Variants in ZNF541 observed in about 807,000 individuals in gnomAD.
The protein encoded by ZNF541 is zinc finger protein 541.
ZNF541 carries 23 observed loss-of-function variants against 123.5 expected under a neutral mutation model. The ratio of observed to expected loss-of-function variants is 0.19; its 90% CI spans 0.13 to 0.26. The LOEUF (loss-of-function observed/expected upper bound fraction) is 0.26. Ranked by LOEUF, ZNF541 falls within the 10% of genes least tolerant of loss-of-function variation. The probability of loss-of-function intolerance (pLI) is 1.00; values close to 1 mark genes in which losing one functional copy is unlikely to be tolerated. For missense variants in ZNF541, 1,612 were observed against 1,789.9 expected (o/e 0.90, Z 1.79); for synonymous variants, 751 against 754.5 (o/e 1.00, Z 0.08).
At chr19:47,531,324 T>C (rs1422679134) in intron 12 of ZNF541, among the ~76,000 whole-genome samples, 2 of 147,174 alleles carry the variant, frequency 1.4e-5, no homozygotes, top group Non-Finnish European at 3.0e-5. Flanking sequence ...AAGCTAAAAC[T>C]CAAGGAATTA....
intron 3 of ZNF541, among the ~76,000 whole-genome samples, chr19:47,550,298 AAGGAAGGAAGGAAAG>A (rs1970541067): frequency 1.3e-5 from 2 of 149,796 alleles, no homozygotes; most frequent in African/African-American, 4.9e-5. Flanking sequence ...AGGAAGGAGG[AAGGAAGGAAGGAAAG>A]AGAGAGAGAA....
At chr19:47,554,891 CG>C (rs1376390699) in intron 3 of ZNF541, among the ~76,000 whole-genome samples, 4 of 151,604 alleles carry the variant, frequency 2.6e-5, no homozygotes, top group African/African-American at 7.3e-5. Flanking sequence ...GTCAGGAGTT[CG>C]AGACCAGCCT....
In ZNF541 at chr19:47,544,299, G is replaced by C. The variant is rs1021511380; in HGVS notation, c.2230C>G (p.Arg744Gly). 10 of 1,551,482 alleles carry C rather than the reference G, an allele frequency of 6.4e-6. No homozygotes were observed. In the African/African-American group the frequency reaches 8.2e-5, roughly 13 times the overall value. Residue 744 changes from arginine to glycine, a missense_variant, in exon 5 of 17, where the codon CGG (arginine) becomes GGG (glycine). Arg to Gly is a moderately radical substitution (Grantham distance 125, BLOSUM62 -2). Around this residue, in one of 5 missense-constraint regions of ZNF541, gnomAD observed 1,080 missense variants for 1,013.8 expected, o/e 1.07. Coordinates refer to ENST00000391901, the MANE Select transcript of ZNF541 (RefSeq NM_001277075.3). ...GGGGCCCTGGGGTTGCCCAAGAGCCGGTAGCCTCCACCCCGGGAGCAGGCT... is the reference window on the plus strand; with the variant it reads ...GGGGCCCTGGGGTTGCCCAAGAGCCCGTAGCCTCCACCCCGGGAGCAGGCT... ...GPACSRGGGY[R>G]LLGNPRAPRF...
chr19:47,554,247 A>G lies in ZNF541; in HGVS notation c.307+1303T>C, dbSNP rs569201616. On this transcript the variant is annotated intron_variant, in intron 3 of 16. Transcript: ENST00000391901. ...TCAGTTCGAGACCAGACTGGGAAACATAGTGAAACCCCTTCACTACTAAAA... is the reference window on the plus strand; with the variant it reads ...TCAGTTCGAGACCAGACTGGGAAACGTAGTGAAACCCCTTCACTACTAAAA... 5.3e-5 allele frequency among the ~76,000 whole-genome samples: 8 copies of G among 152,302 alleles called. No homozygotes were observed. In the South Asian group the frequency reaches 1.7e-3, roughly 32 times the overall value.
rs183903396 is a variant in ZNF541 at position 47,525,192 on chromosome 19, C to T, written c.3571-3198G>A. On this transcript the variant is annotated intron_variant, in intron 14 of 16. Transcript: ENST00000391901. ...CCCAGCTACTCGGGAGGCTGAGGTA[C>T]GAGAATCGCTTGAACCCGGGAGGTG... Among the ~76,000 whole-genome samples, 480 of 151,210 alleles carry T rather than the reference C, an allele frequency of 3.2e-3. 2 individuals carry two copies. Among genetic ancestry groups the T allele is most frequent in the African/African-American group, 0.01 (415 of 41,194 alleles).
intron 2 of ZNF541, among the ~76,000 whole-genome samples, chr19:47,563,896 G>A (rs866725935): frequency 1.2e-4 from 19 of 152,198 alleles, no homozygotes; most frequent in African/African-American, 3.9e-4. Flanking sequence ...ATAAGCCCCC[G>A]CGCCTGGCCT....
intron 13 of ZNF541, 96 bp downstream of exon 13, chr19:47,529,481 G>T: frequency 7.8e-7 from 1 of 1,287,488 alleles, no homozygotes; most frequent in Non-Finnish European, 1.1e-6. Flanking sequence ...GTCCCGAGGA[G>T]AACTCCAGGA....
intron 3 of ZNF541, among the ~76,000 whole-genome samples, 196 bp downstream of exon 3, chr19:47,555,354 A>G (rs2123286460): frequency 6.7e-6 from 1 of 149,980 alleles, no homozygotes; most frequent in Admixed American, 6.7e-5. Context: ...TGGGCAACAG[A>G]GCAAGACTCC....
At chr19:47,529,691 G>C (rs547015041) in intron 12 of ZNF541, 39 bp from the exon 13 acceptor site, 14 of 1,532,104 alleles carry the variant, frequency 9.1e-6, no homozygotes, top group African/African-American at 1.4e-5. Context: ...AGGACCAGGT[G>C]GGGGAAGAGG....
chr19:47,522,367 G>A (rs1969077085), intron 14 of ZNF541, among the ~76,000 whole-genome samples: 2 of 152,238 alleles, frequency 1.3e-5, no homozygotes, highest in South Asian at 4.1e-4. Flanking sequence ...CAGCTAGGCA[G>A]AGCCTCTAAA....
At chr19:47,522,253 C>T (rs1000859428) in intron 14 of ZNF541, among the ~76,000 whole-genome samples, 15 of 152,222 alleles carry the variant, frequency 9.9e-5, no homozygotes, top group Admixed American at 9.8e-4. Flanking sequence ...GAATTCTTTC[C>T]TAAGGAAGAT....
intron 2 of ZNF541, among the ~76,000 whole-genome samples, chr19:47,567,728 T>C (rs760417041): frequency 1.7e-4 from 26 of 152,356 alleles, no homozygotes; most frequent in Admixed American, 3.3e-4. Flanking sequence ...AACAATTGGT[T>C]GGAGGTGAGA....
At chr19:47,525,649 C>T (rs1969251958) in intron 14 of ZNF541, among the ~76,000 whole-genome samples, 1 of 152,188 alleles carries the variant, frequency 6.6e-6, no homozygotes, top group African/African-American at 2.4e-5. Flanking sequence ...CAAGGTGGCT[C>T]ACGCCTGTAA....
Position 47,566,879 on chromosome 19 carries a change from G to A in ZNF541, c.-99+5017C>T, listed in dbSNP as rs921737586. 1.1e-4 allele frequency among the ~76,000 whole-genome samples: 16 copies of A among 151,084 alleles called. No homozygotes were observed. The East Asian group carries it at 2.9e-3, about 28-fold the overall frequency. On this transcript the variant is annotated intron_variant, in intron 2 of 16. Coordinates refer to ENST00000391901, the MANE Select transcript of ZNF541 (RefSeq NM_001277075.3). ...ATCCTGGCTAACATGGTGAAACCCC[G>A]TCTTTACTAAAAATACAAAAAATTA...
In ZNF541 at chr19:47,559,111, C is replaced by T. The variant is rs561221833; in HGVS notation, c.-98-3157G>A. ...CTGGGCCAGGCACAGTGGCTCACGC[C>T]TGTAATCCCAGCACTCTGGGAGGCC... On this transcript the variant is annotated intron_variant, in intron 2 of 16. Transcript: ENST00000391901. Among the ~76,000 whole-genome samples, 9 of 151,808 alleles carry T rather than the reference C, an allele frequency of 5.9e-5. No individual in the cohort carries two copies. The South Asian group carries it at 1.9e-3, about 32-fold the overall frequency.
chr19:47,544,971 C>A lies in ZNF541; in HGVS notation c.1558G>T (p.Gly520Cys). The A allele has an allele frequency of 6.5e-7, 1 of 1,532,372 alleles. No homozygotes were observed. The highest frequency in any genetic ancestry group is 8.7e-7 in the Non-Finnish European group (1 of 1,145,310). 94.9% of individuals were successfully genotyped at this position (1,532,372 alleles called of 1,614,324 possible). Residue 520 changes from glycine (G) to cysteine (C), a missense_variant, in exon 5 of 17, where the codon GGC becomes TGC. Coordinates refer to ENST00000391901, the MANE Select transcript of ZNF541 (RefSeq NM_001277075.3). The part of the protein sequence containing the change: ...SFLCQNPGEP[G>C]LQEAQKAGGL... ...CCTGCCTTCTGGGCCTCCTGGAGGCCGGGCTCCCCGGGGTTCTGGCACAGG... is the reference window on the plus strand; with the variant it reads ...CCTGCCTTCTGGGCCTCCTGGAGGCAGGGCTCCCCGGGGTTCTGGCACAGG...
chr19:47,538,488 C>T (rs1316203397), intron 8 of ZNF541, 49 bp from the exon 9 acceptor site: 2 of 1,435,318 alleles, frequency 1.4e-6, no homozygotes, highest in East Asian at 5.1e-5. Flanking sequence ...ACCTACTGCA[C>T]CACTCCATCT....
At position 47,538,185 on chromosome 19, in the gene ZNF541, C is replaced by T. The variant is rs1036132378; in HGVS notation, c.3051G>A (p.Thr1017=). ...GCTGGTCAGGGCTGGCCTGAGTGGACGTGGAACAGAGGGTGTTGAAGTACA... is the reference window on the plus strand; with the variant it reads ...GCTGGTCAGGGCTGGCCTGAGTGGATGTGGAACAGAGGGTGTTGAAGTACA... ...SGVYFNTLCS[T]STQASPDQLI... The change falls in exon 9 of 17, where the codon ACG becomes ACA. Residue 1017 remains threonine, a synonymous_variant. Transcript: ENST00000391901. The T allele has an allele frequency of 1.1e-5, 17 of 1,551,232 alleles. 1 individual carries two copies. The highest frequency in any genetic ancestry group is 9.6e-5 in the African/African-American group (7 of 73,026).
chr19:47,566,003 C>A (rs1235808068), intron 2 of ZNF541, among the ~76,000 whole-genome samples: 1 of 151,946 alleles, frequency 6.6e-6, no homozygotes, highest in Non-Finnish European at 1.5e-5. Context: ...ATGGCGAAAC[C>A]CCGTCTCTAC....
Sources: gnomAD v4.1 joint callset for allele counts (sites outside exome capture counted in the v4.1 genomes callset) on GRCh38, gnomAD v4.1.1 for gene constraint, gnomAD v4.1.1 regional missense constraint, MANE v1.5 for transcripts, NCBI Gene and HGNC (gene_info 2026-07-23, HGNC 2026-07-21) for gene names.